Variants in RUNX2 observed in about 807,000 individuals in gnomAD.
RUNX2 encodes the protein RUNX family transcription factor 2.
RUNX2 carries 10 observed loss-of-function variants against 51.7 expected under a neutral mutation model. The ratio of observed to expected loss-of-function variants is 0.19; its 90% CI spans 0.12 to 0.33. The LOEUF is 0.33. RUNX2 is among the 10% of genes least tolerant of loss of function. RUNX2 has a pLI of 1.00. For synonymous variants in RUNX2, 276 were observed against 273.6 expected (o/e 1.01, Z -0.09); for missense variants, 562 against 691.3 (o/e 0.81, Z 2.10).
rs561688932 is a variant in RUNX2, at chr6:45,463,734, G to A, written c.685+25683G>A. ...GGTATCTCAGTTTATTCATTATTCT[G>A]GGTCAGCTTTGAGACAGTACAGTGA... On this transcript the variant is annotated intron_variant, in intron 5 of 8. Coordinates refer to ENST00000647337, the MANE Select transcript of RUNX2 (RefSeq NM_001024630.4). Among the ~76,000 whole-genome samples, 32 of 152,014 alleles carry A rather than the reference G, an allele frequency of 2.1e-4. No individual in the cohort carries two copies. The South Asian group carries it at 5.8e-3, about 28-fold the overall frequency.
chr6:45,400,948 T>C (rs762927413), intron 2 of RUNX2, among the ~76,000 whole-genome samples: 7 of 152,134 alleles, frequency 4.6e-5, no homozygotes, highest in African/African-American at 2.4e-5. Context: ...GATGTACAGA[T>C]GTATGATAAA....
intron 2 of RUNX2, among the ~76,000 whole-genome samples, chr6:45,366,186 G>A (rs1165202048): frequency 6.6e-6 from 1 of 152,138 alleles, no homozygotes; most frequent in East Asian, 1.9e-4. Context: ...ATTTTTTGCA[G>A]TTTCTAAAGA....
rs142196141 is a variant in RUNX2 at position 45,510,288 on chromosome 6, G to A, written c.860-1958G>A. Reference sequence around the variant, plus strand: ...AAGTTTGTTAACCACTTATAGTACTGCTTTTTTATTCAAATTGCAAACTCA... The same window carrying A: ...AAGTTTGTTAACCACTTATAGTACTACTTTTTTATTCAAATTGCAAACTCA... On this transcript the variant is annotated intron_variant, in intron 6 of 8. Coordinates refer to ENST00000647337, the MANE Select transcript of RUNX2 (RefSeq NM_001024630.4). Among the ~76,000 whole-genome samples the A allele has an allele frequency of 2.6e-4, 39 of 152,244 alleles. No homozygotes were observed. In the East Asian group the frequency reaches 4.1e-3, roughly 16 times the overall value.
intron 6 of RUNX2, among the ~76,000 whole-genome samples, chr6:45,507,083 C>G (rs1800991748): frequency 6.6e-6 from 1 of 151,844 alleles, no homozygotes; most frequent in Non-Finnish European, 1.5e-5. Context: ...TGCAGTCAGC[C>G]AGGGTGTCAC....
At position 45,483,848 on chromosome 6, in the gene RUNX2, C is replaced by T. The variant is rs565579166; in HGVS notation, c.686-8093C>T. ...AAGGCACAGGGTGTATTTGGACTGT[C>T]GATAGACCAGTGTGAGTAGAGCACA... On this transcript the variant is annotated intron_variant, in intron 5 of 8. Transcript: ENST00000647337. Among the ~76,000 whole-genome samples the T allele has an allele frequency of 1.1e-4, 16 of 152,210 alleles. No homozygotes were observed. The South Asian group carries it at 2.7e-3, about 26-fold the overall frequency.
chr6:45,482,283 C>T (rs1181259492), intron 5 of RUNX2, among the ~76,000 whole-genome samples: 8 of 152,124 alleles, frequency 5.3e-5, no homozygotes. Flanking sequence ...AGTCCATTAT[C>T]TGAAGAAAAG....
intron 2 of RUNX2, among the ~76,000 whole-genome samples, chr6:45,333,542 T>C (rs1787942895): frequency 6.6e-6 from 1 of 151,534 alleles, no homozygotes; most frequent in Non-Finnish European, 1.5e-5. Context: ...TCAAACACTT[T>C]AGGTTTTGTT....
At chr6:45,505,511 G>A (rs1258311726) in intron 6 of RUNX2, among the ~76,000 whole-genome samples, 1 of 152,060 alleles carries the variant, frequency 6.6e-6, no homozygotes, top group Non-Finnish European at 1.5e-5. Flanking sequence ...ATCACTGTAG[G>A]AAGTGCATAG....
At chr6:45,416,613 T>C (rs1288426301) in intron 2 of RUNX2, among the ~76,000 whole-genome samples, 1 of 152,208 alleles carries the variant, frequency 6.6e-6, no homozygotes, top group South Asian at 2.1e-4. Context: ...CATAGGACAA[T>C]TGCCAACACC....
intron 2 of RUNX2, among the ~76,000 whole-genome samples, chr6:45,355,061 A>G (rs1397654894): frequency 1.3e-5 from 2 of 151,912 alleles, no homozygotes; most frequent in African/African-American, 4.8e-5. Flanking sequence ...TGCAGACTCA[A>G]CCACTTGGGC....
Position 45,328,677 on chromosome 6 carries a change from G to A in RUNX2, c.-50G>A, listed in dbSNP as rs762747141. The A allele has an allele frequency of 6.2e-7, 1 of 1,611,466 alleles. No homozygotes were observed. The highest frequency in any genetic ancestry group is 2.2e-5 in the East Asian group (1 of 44,770). ...TATTTTCAGTTTAAGGCTGCAAGCA[G>A]TATTTACAACAGAGGGTACAAGTTC... On this transcript the variant is annotated 5_prime_UTR_variant, in exon 2 of 9. Coordinates refer to ENST00000647337, the MANE Select transcript of RUNX2 (RefSeq NM_001024630.4).
intron 2 of RUNX2, among the ~76,000 whole-genome samples, chr6:45,370,165 T>C (rs532612162): frequency 1.3e-5 from 2 of 152,312 alleles, no homozygotes; most frequent in South Asian, 2.1e-4. Context: ...TAGGAAGTTA[T>C]TGAGGTTGTG....
chr6:45,379,373 A>G (rs778297145), intron 2 of RUNX2, among the ~76,000 whole-genome samples: 48 of 152,226 alleles, frequency 3.2e-4, no homozygotes, highest in Non-Finnish European at 6.5e-4. Context: ...AGTTAACAGA[A>G]GATTAAGAGA....
At chr6:45,477,108 A>AAG (rs1472679870) in intron 5 of RUNX2, among the ~76,000 whole-genome samples, 1 of 152,208 alleles carries the variant, frequency 6.6e-6, no homozygotes, top group African/African-American at 2.4e-5. Context: ...CTGAAGCAGC[A>AAG]GAAGAGCAGA....
At chr6:45,502,525 A>G (rs1349479979) in intron 6 of RUNX2, among the ~76,000 whole-genome samples, 1 of 152,094 alleles carries the variant, frequency 6.6e-6, no homozygotes, top group Non-Finnish European at 1.5e-5. Flanking sequence ...AGGCAGGCCT[A>G]TTACTCAAGG....
In RUNX2 at chr6:45,507,701, G is replaced by T. The variant is rs143404600; in HGVS notation, c.860-4545G>T. 8.5e-5 allele frequency among the ~76,000 whole-genome samples: 13 copies of T among 152,214 alleles called. No individual in the cohort carries two copies. In the East Asian group the frequency reaches 2.1e-3, roughly 25 times the overall value. ...TCTCTGGGAAGAAACCAAAACTTAAGAAAGAACATGATTAAGGTTAAGCCA... is the reference window on the plus strand; with the variant it reads ...TCTCTGGGAAGAAACCAAAACTTAATAAAGAACATGATTAAGGTTAAGCCA... On this transcript the variant is annotated intron_variant, in intron 6 of 8. Coordinates refer to ENST00000647337, the MANE Select transcript of RUNX2 (RefSeq NM_001024630.4).
At chr6:45,524,901 A>T (rs893395967) in intron 7 of RUNX2, among the ~76,000 whole-genome samples, 1 of 152,184 alleles carries the variant, frequency 6.6e-6, no homozygotes, top group Non-Finnish European at 1.5e-5. Context: ...TCACAAGGTC[A>T]AGAGATTGAG....
intron 6 of RUNX2, among the ~76,000 whole-genome samples, chr6:45,500,961 G>A (rs1288118819): frequency 6.6e-6 from 1 of 152,240 alleles, no homozygotes; most frequent in Non-Finnish European, 1.5e-5. Flanking sequence ...CTGGGAAAAT[G>A]AGCAGCAGCT....
intron 2 of RUNX2, among the ~76,000 whole-genome samples, chr6:45,390,173 C>G (rs543127121): frequency 6.6e-6 from 1 of 152,166 alleles, no homozygotes; most frequent in Non-Finnish European, 1.5e-5. Context: ...TCTTTGGCTT[C>G]CATGAATAGT....
Sources: gnomAD v4.1 joint callset for allele counts (sites outside exome capture counted in the v4.1 genomes callset) on GRCh38, gnomAD v4.1.1 for gene constraint, MANE v1.5 for transcripts, NCBI Gene and HGNC (gene_info 2026-07-23, HGNC 2026-07-21) for gene names.